The following NRXN1 variants were observed in gnomAD, a reference collection of about 807,000 sequenced individuals.
NRXN1 encodes neurexin-1.
In NRXN1, 39 loss-of-function variants were observed where a neutral mutation model predicts 150.9. The observed-to-expected ratio is 0.26, with a 90% confidence interval of 0.20 to 0.34. NRXN1 has a LOEUF of 0.34. Ranked by LOEUF, NRXN1 falls within the 10% of genes least tolerant of loss-of-function variation. The probability of loss-of-function intolerance (pLI) is 1.00; values close to 1 mark genes in which losing one functional copy is unlikely to be tolerated. For synonymous variants in NRXN1, 924 were observed against 757.0 expected (o/e 1.22, Z -3.62); for missense variants, 1,815 against 1,949.9 (o/e 0.93, Z 1.30).
intron 5 of NRXN1, among the ~76,000 whole-genome samples, chr2:50,760,002 C>T (rs1486720835): frequency 1.3e-5 from 2 of 151,868 alleles, no homozygotes; most frequent in East Asian, 3.9e-4. Flanking sequence ...CGGAGAATTA[C>T]AGCTCTGGCA....
intron 21 of NRXN1, among the ~76,000 whole-genome samples, chr2:50,005,642 C>G (rs12713081): frequency 0.37 from 55,490 of 151,932 alleles, 10,582 homozygotes; most frequent in East Asian, 0.48. Flanking sequence ...CAAAAACACA[C>G]TCTTCCAGAG....
chr2:50,258,830 A>C (rs2067972547), intron 17 of NRXN1, among the ~76,000 whole-genome samples: 1 of 152,006 alleles, frequency 6.6e-6, no homozygotes, highest in Non-Finnish European at 1.5e-5. Context: ...AATTATATTA[A>C]TCCCCATGTA....
At chr2:50,391,484 G>A (rs902102272) in intron 17 of NRXN1, among the ~76,000 whole-genome samples, 1 of 152,046 alleles carries the variant, frequency 6.6e-6, no homozygotes, top group Admixed American at 6.6e-5. Context: ...CATTACATTT[G>A]AAATACAATA....
rs749058232 is a variant in NRXN1, at chr2:50,053,603, T to A, written c.3809-13A>T. Reference sequence around the variant, plus strand: ...GTGAGCTGACGCCCTGTAAAAATAATATTACATACATGCAAAAATGTTGAT... The same window carrying A: ...GTGAGCTGACGCCCTGTAAAAATAAAATTACATACATGCAAAAATGTTGAT... On this transcript the variant is annotated splice_polypyrimidine_tract_variant and intron_variant, in intron 20 of 22. Transcript: ENST00000401669. 12 of 1,613,418 alleles carry A rather than the reference T, an allele frequency of 7.4e-6. No individual in the cohort carries two copies. Among genetic ancestry groups the A allele is most frequent in the Non-Finnish European group, 1.0e-5 (12 of 1,179,540 alleles).
At chr2:50,595,112 T>C (rs1674947339) in intron 8 of NRXN1, among the ~76,000 whole-genome samples, 1 of 151,596 alleles carries the variant, frequency 6.6e-6, no homozygotes, top group Admixed American at 6.6e-5. Context: ...GGGGTGTGTA[T>C]TGTTATGAGG....
At chr2:50,243,399 C>A (rs1051802924) in intron 17 of NRXN1, among the ~76,000 whole-genome samples, 7 of 151,576 alleles carry the variant, frequency 4.6e-5, no homozygotes, top group Non-Finnish European at 7.4e-5. Flanking sequence ...TAGGCTAAAG[C>A]ATTTTTTAAT....
chr2:50,154,621 G>A (rs1014940172), intron 18 of NRXN1, among the ~76,000 whole-genome samples: 1 of 151,562 alleles, frequency 6.6e-6, no homozygotes, highest in African/African-American at 2.4e-5. Flanking sequence ...CTTCAATAAA[G>A]AAAGGCTCCT....
chr2:50,103,536 A>G (rs530904841), intron 18 of NRXN1, among the ~76,000 whole-genome samples: 2 of 152,132 alleles, frequency 1.3e-5, no homozygotes, highest in African/African-American at 4.8e-5. Context: ...AATGAGACGA[A>G]GGATTCTCTA....
chr2:50,199,816 C>A (rs1176701644), intron 18 of NRXN1, among the ~76,000 whole-genome samples: 1 of 152,098 alleles, frequency 6.6e-6, no homozygotes, highest in Admixed American at 6.6e-5. Context: ...AGACACATTG[C>A]TCCCTGCAAG....
At chr2:50,091,586 T>C in intron 18 of NRXN1, 92 bp from the exon 19 acceptor site, 1 of 1,336,504 alleles carries the variant, frequency 7.5e-7, no homozygotes. Flanking sequence ...TAAAATGTGC[T>C]TTGGACAACA....
chr2:49,969,739 G>A (rs1677619704), intron 21 of NRXN1: 1 of 151,982 alleles, frequency 6.6e-6, no homozygotes, highest in South Asian at 2.1e-4. Flanking sequence ...GTGCATTCAG[G>A]GTGGTATGGC....
chr2:50,695,633 T>C (rs899024154), intron 5 of NRXN1, among the ~76,000 whole-genome samples: 7 of 152,132 alleles, frequency 4.6e-5, no homozygotes, highest in African/African-American at 1.2e-4. Flanking sequence ...ATTTGAGAGA[T>C]TAAAATATGT....
chr2:50,585,391 G>C (rs1364502721), intron 8 of NRXN1, among the ~76,000 whole-genome samples: 1 of 152,114 alleles, frequency 6.6e-6, no homozygotes, highest in Non-Finnish European at 1.5e-5. Flanking sequence ...ATGTGGTGTT[G>C]TTTAATGGGT....
chr2:50,237,114 C>A, intron 17 of NRXN1, 144 bp from the exon 18 acceptor site: 1 of 874,872 alleles, frequency 1.1e-6, no homozygotes, highest in Admixed American at 2.1e-5. Flanking sequence ...ATCAAATGTG[C>A]TCAAGAAAGT....
chr2:50,206,207 T>A (rs2062558168), intron 18 of NRXN1, among the ~76,000 whole-genome samples: 1 of 143,472 alleles, frequency 7.0e-6, no homozygotes, highest in Non-Finnish European at 1.5e-5. Context: ...GTACAATAAG[T>A]TATACATGCA....
At position 50,484,246 on chromosome 2, in the gene NRXN1, C is replaced by T. The variant is rs566896629; in HGVS notation, c.3070+11659G>A. Among the ~76,000 whole-genome samples the T allele has an allele frequency of 9.9e-5, 15 of 152,272 alleles. No individual in the cohort carries two copies. In the East Asian group the frequency reaches 2.5e-3, roughly 25 times the overall value. On this transcript the variant is annotated intron_variant, in intron 15 of 22. Transcript: ENST00000401669. ...GAGTCAAATCACACTCTTGTTTTTC[C>T]TTAAGTATCTGAACATTTCTGTATT...
intron 2 of NRXN1, among the ~76,000 whole-genome samples, chr2:51,020,561 C>G (rs936127292): frequency 2.0e-5 from 3 of 151,904 alleles, no homozygotes; most frequent in Non-Finnish European, 4.4e-5. Context: ...AATCTACCTG[C>G]TACCATTTAA....
rs530625898 is a variant in NRXN1, at chr2:50,926,608, G to C, written c.773-653C>G. 2.6e-5 allele frequency among the ~76,000 whole-genome samples: 4 copies of C among 151,970 alleles called. No homozygotes were observed. In the East Asian group the frequency reaches 5.8e-4, roughly 22 times the overall value. ...AAAATGCTAACTTTTAAAAATGTTA[G>C]GTAGGAAAGTGATCACTGGAAGAGA... On this transcript the variant is annotated intron_variant, in intron 2 of 22. Transcript: ENST00000401669.
chr2:50,931,892 C>T (rs1048328876), intron 2 of NRXN1, among the ~76,000 whole-genome samples: 15 of 151,672 alleles, frequency 9.9e-5, no homozygotes, highest in Non-Finnish European at 2.2e-4. Context: ...GATGGAGTCT[C>T]ACTCTGTTGC....
Sources: allele counts gnomAD v4.1 joint callset (sites outside exome capture counted in the v4.1 genomes callset), GRCh38; gene constraint gnomAD v4.1.1; transcripts MANE v1.5; gene names NCBI Gene and HGNC (gene_info 2026-07-23, HGNC 2026-07-21).